The following PYROXD1 variants were observed in gnomAD, a reference collection of about 807,000 sequenced individuals.
PYROXD1 encodes tRNA ligase complex-associated NAD(P)H dehydrogenase PYROXD1.
PYROXD1 carries 42 observed loss-of-function variants against 62.0 expected under a neutral mutation model. That is an observed-to-expected ratio of 0.68 (90% CI 0.53 to 0.88). The LOEUF is 0.88. Among genes scored for constraint, PYROXD1 ranks in the 40% least tolerant of loss-of-function variants. PYROXD1 has a pLI of 0.00. For synonymous variants in PYROXD1, 170 were observed against 206.4 expected, an observed-to-expected ratio of 0.82 and a Z score of 1.51; for missense variants, 493 against 604.8, an observed-to-expected ratio of 0.82 and a Z score of 1.94.
chr12:21,463,614 C>T (rs535672193), intron 10 of PYROXD1, among the ~76,000 whole-genome samples: 6 of 150,798 alleles, frequency 4.0e-5, no homozygotes, highest in African/African-American at 1.5e-4. Context: ...ATCCCTTGAA[C>T]CTGGGAGGCG....
intron 4 of PYROXD1, 42 bp downstream of exon 4, chr12:21,449,733 A>G: frequency 6.5e-7 from 1 of 1,536,252 alleles, no homozygotes; most frequent in Non-Finnish European, 8.8e-7. Flanking sequence ...AAATAAAAGA[A>G]TTTTCTACAT....
At chr12:21,456,320 T>G (rs931498941) in intron 7 of PYROXD1, among the ~76,000 whole-genome samples, 1 of 152,138 alleles carries the variant, frequency 6.6e-6, no homozygotes, top group African/African-American at 2.4e-5. Context: ...TTTTAACTCT[T>G]GAGGTGTGAT....
chr12:21,456,839 A>G (rs7964152), intron 7 of PYROXD1: 45,679 of 452,488 alleles, frequency 0.1, 2,718 homozygotes, highest in East Asian at 0.3. Flanking sequence ...AGTATATGTA[A>G]TATTTTAAAT....
At chr12:21,452,317 G>A (rs541879358) in intron 5 of PYROXD1, among the ~76,000 whole-genome samples, 163 bp downstream of exon 5, 7 of 151,852 alleles carry the variant, frequency 4.6e-5, no homozygotes, top group African/African-American at 1.7e-4. Flanking sequence ...GTTTTCAAGG[G>A]GAAAAATCCA....
Position 21,440,368 on chromosome 12 carries a change from T to G in PYROXD1, c.85T>G (p.Leu29Val). Residue 29 changes from leucine (L) to valine (V), a missense_variant and splice_region_variant, in exon 2 of 12, where the codon TTG (leucine) becomes GTG (valine). Leu to Val is a conservative substitution (Grantham distance 32). Transcript: ENST00000240651. ...TTTTTTCTCTCTTTTTAAAAATAAGTTGGCTACTCACTTTCCATCGGAAGA... is the reference window on the plus strand; with the variant it reads ...TTTTTTCTCTCTTTTTAAAAATAAGGTGGCTACTCACTTTCCATCGGAAGA... ...GIAGVTCAEQLATHFPSEDIL... is the reference protein window; with the variant it reads ...GIAGVTCAEQVATHFPSEDIL... 2 of 1,570,952 alleles carry G rather than the reference T, an allele frequency of 1.3e-6. No individual in the cohort carries two copies. Among genetic ancestry groups the G allele is most frequent in the African/African-American group, 2.7e-5 (2 of 73,290 alleles).
intron 1 of PYROXD1, among the ~76,000 whole-genome samples, chr12:21,438,959 CG>C (rs1177084487): frequency 1.3e-5 from 2 of 152,064 alleles, no homozygotes; most frequent in African/African-American, 4.8e-5. Context: ...GAGATATCAA[CG>C]GTTATCTTAG....
intron 3 of PYROXD1, chr12:21,447,906 A>G (rs11046058): frequency 0.48 from 97,805 of 204,822 alleles, 23,686 homozygotes; most frequent in East Asian, 0.52. Flanking sequence ...GGAGAATGAC[A>G]TGAACCCGGG....
intron 7 of PYROXD1, among the ~76,000 whole-genome samples, chr12:21,458,905 G>C (rs1430165498): frequency 6.6e-6 from 1 of 152,140 alleles, no homozygotes; most frequent in Non-Finnish European, 1.5e-5. Flanking sequence ...ATGTGACAGA[G>C]ACACAAAGTG....
At chr12:21,445,048 G>C (rs1197005970) in intron 2 of PYROXD1, among the ~76,000 whole-genome samples, 4 of 152,182 alleles carry the variant, frequency 2.6e-5, no homozygotes, top group Non-Finnish European at 4.4e-5. Flanking sequence ...TAAATAAGCT[G>C]TTTGGCTAAA....
intron 11 of PYROXD1, among the ~76,000 whole-genome samples, 178 bp downstream of exon 11, chr12:21,467,796 C>T (rs1942829897): frequency 6.6e-6 from 1 of 151,872 alleles, no homozygotes; most frequent in Admixed American, 6.6e-5. Flanking sequence ...AATCCCTAAT[C>T]ATCTGATAAT....
intron 7 of PYROXD1, chr12:21,460,777 A>G (rs1484139457): frequency 8.0e-6 from 2 of 249,706 alleles, no homozygotes; most frequent in East Asian, 7.5e-5. Context: ...GGCCTAGGCT[A>G]AAAAGCATTC....
At chr12:21,449,500 G>A in intron 3 of PYROXD1, 63 bp from the exon 4 acceptor site, 1 of 1,504,362 alleles carries the variant, frequency 6.6e-7, no homozygotes, top group African/African-American at 1.4e-5. Context: ...TTAGTTTAAA[G>A]TGAAGTTGTA....
In PYROXD1 at chr12:21,469,131, T is replaced by C; in HGVS notation, c.*377T>C. On this transcript the variant is annotated 3_prime_UTR_variant, in exon 12 of 12. Coordinates refer to ENST00000240651, the MANE Select transcript of PYROXD1 (RefSeq NM_024854.5). Reference sequence around the variant, plus strand: ...GTGAAATGTCAAAATATGGCTATGGTTTCAGGAACTTTAAAATCGGTTGTA... The same window carrying C: ...GTGAAATGTCAAAATATGGCTATGGCTTCAGGAACTTTAAAATCGGTTGTA... 6.0e-6 allele frequency: 1 copy of C among 165,814 alleles called. No individual in the cohort carries two copies. Among genetic ancestry groups the C allele is most frequent in the East Asian group, 1.7e-4 (1 of 5,832 alleles). The allele number at this position is 165,814 out of a possible 1,614,324, so 10.3% of individuals were successfully genotyped here. A position where few individuals can be genotyped will look rare whatever the true frequency, so the allele number is the denominator to read the frequency against.
intron 7 of PYROXD1, among the ~76,000 whole-genome samples, chr12:21,460,310 C>G (rs1942670665): frequency 6.6e-5 from 10 of 152,020 alleles, no homozygotes; most frequent in Admixed American, 6.5e-4. Context: ...CTACGTGGGA[C>G]TTTATTAATG....
At chr12:21,450,499 A>G (rs569314334) in intron 4 of PYROXD1, among the ~76,000 whole-genome samples, 13 of 152,282 alleles carry the variant, frequency 8.5e-5, no homozygotes, top group East Asian at 1.9e-4. Flanking sequence ...AACTATCCCA[A>G]TAAGGTGAAA....
chr12:21,456,203 T>G, intron 7 of PYROXD1, 108 bp downstream of exon 7: 1 of 674,440 alleles, frequency 1.5e-6, no homozygotes, highest in South Asian at 2.1e-5. Context: ...TTAGGTCACT[T>G]TACTTAAAAT....
In PYROXD1 at chr12:21,440,449, G is replaced by C. The variant is rs1357583609; in HGVS notation, c.165+1G>C. 1.3e-6 allele frequency: 2 copies of C among 1,557,878 alleles called. No homozygotes were observed. Among genetic ancestry groups the C allele is most frequent in the Non-Finnish European group, 8.8e-7 (1 of 1,138,750 alleles). On this transcript the variant is annotated splice_donor_variant, in intron 2 of 11. Coordinates refer to ENST00000240651, the MANE Select transcript of PYROXD1 (RefSeq NM_024854.5). LOFTEE classifies it high-confidence loss of function. ...TAAAGCAGTTACAAATTTCAAGCAG[G>C]TAAGAACCTTTGTATAACTTGTTAA...
intron 7 of PYROXD1, among the ~76,000 whole-genome samples, chr12:21,459,941 A>G (rs1241654357): frequency 6.6e-6 from 1 of 152,230 alleles, no homozygotes; most frequent in Non-Finnish European, 1.5e-5. Context: ...CAGTAAACTT[A>G]CAAAAGTTAT....
intron 3 of PYROXD1, among the ~76,000 whole-genome samples, chr12:21,449,361 A>G (rs996511549): frequency 8.8e-6 from 1 of 113,152 alleles, no homozygotes; most frequent in East Asian, 2.8e-4. Flanking sequence ...TGAGCTTAAA[A>G]TGATTTAAGA....
Sources: allele counts gnomAD v4.1 joint callset (sites outside exome capture counted in the v4.1 genomes callset), GRCh38; gene constraint gnomAD v4.1.1; transcripts MANE v1.5; gene names NCBI Gene and HGNC (gene_info 2026-07-23, HGNC 2026-07-21).